KIF13B: variants seen among roughly 807,000 people sequenced by gnomAD.
KIF13B encodes kinesin-like protein KIF13B.
In KIF13B, 127 loss-of-function variants were observed where a neutral mutation model predicts 222.0. The observed-to-expected ratio is 0.57, with a 90% CI of 0.50 to 0.66. The LOEUF is 0.66. KIF13B is among the 30% of genes least tolerant of loss of function. The pLI, the probability that KIF13B is intolerant of heterozygous loss-of-function variation, is 0.00. For missense variants in KIF13B, 2,173 were observed against 2,379.0 expected, an observed-to-expected ratio of 0.91 and a Z score of 1.80; for synonymous variants, 976 against 919.0, an observed-to-expected ratio of 1.06 and a Z score of -1.12.
intron 2 of KIF13B, among the ~76,000 whole-genome samples, chr8:29,244,438 A>ACCTGT (rs10671332): frequency 0.44 from 66,902 of 151,474 alleles, 16,568 homozygotes; most frequent in African/African-American, 0.67. Flanking sequence ...AATGTCTTTC[A>ACCTGT]CCTCTCCACT....
intron 36 of KIF13B, among the ~76,000 whole-genome samples, chr8:29,094,342 T>C (rs1452428130): frequency 6.6e-6 from 1 of 152,248 alleles, no homozygotes; most frequent in Non-Finnish European, 1.5e-5. Flanking sequence ...TGTGCCAGTC[T>C]ACTCTACAAG....
At chr8:29,236,347 T>C (rs896424882) in intron 2 of KIF13B, among the ~76,000 whole-genome samples, 15 of 152,200 alleles carry the variant, frequency 9.9e-5, no homozygotes, top group Admixed American at 5.9e-4. Context: ...GATGAAGATG[T>C]AGCTAGGACA....
intron 36 of KIF13B, among the ~76,000 whole-genome samples, chr8:29,098,914 C>T (rs1458758851): frequency 6.6e-6 from 1 of 152,138 alleles, no homozygotes; most frequent in Admixed American, 6.5e-5. Context: ...CAGCAATGTA[C>T]GGCTAACACA....
At chr8:29,139,176 C>A (rs1810697453) in intron 21 of KIF13B, among the ~76,000 whole-genome samples, 1 of 152,070 alleles carries the variant, frequency 6.6e-6, no homozygotes, top group Non-Finnish European at 1.5e-5. Context: ...TGAGATCTTC[C>A]ATTAAAAAAC....
rs1439267809 is a variant in KIF13B, at chr8:29,071,622, G to A, written c.5216C>T (p.Ser1739Leu). The A allele has an allele frequency of 6.4e-7, 1 of 1,550,996 alleles. No individual in the cohort carries two copies. Among genetic ancestry groups the A allele is most frequent in the East Asian group, 2.4e-5 (1 of 40,968 alleles). ...TWVGVELDLP[S>L]GKNDGSIGGK... is the part of the protein sequence containing the mutation. ...AGCCCGGAGTGCCCGGTACCCACCT[G>A]AGGGCAGGTCGAGCTCCACGCCGAC... The change falls in exon 39 of 40, where the codon TCA becomes TTA. Residue 1739 changes from serine (S) to leucine (L), a missense_variant and splice_region_variant. Physicochemically the swap from Ser to Leu is moderately radical, Grantham distance 145. Coordinates refer to ENST00000524189, the MANE Select transcript of KIF13B (RefSeq NM_015254.4). The surrounding 1 kb of genome is among the most constrained non-coding windows in gnomAD (Gnocchi z 4.9).
chr8:29,101,418 C>T (rs921874737), intron 35 of KIF13B, among the ~76,000 whole-genome samples: 2 of 152,144 alleles, frequency 1.3e-5, no homozygotes, highest in Non-Finnish European at 2.9e-5. Flanking sequence ...AACTAAGCCG[C>T]TGATCTGGAG....
In KIF13B at chr8:29,134,070, C is replaced by T. The variant is rs768939426; in HGVS notation, c.2754G>A (p.Pro918=). The T allele has an allele frequency of 1.1e-4, 170 of 1,613,820 alleles. No individual in the cohort carries two copies. Among genetic ancestry groups the T allele is most frequent in the Non-Finnish European group, 1.3e-4 (156 of 1,179,856 alleles). The change falls in exon 22 of 40, where the codon CCG becomes CCA. Residue 918 remains proline, a synonymous_variant. Coordinates refer to ENST00000524189, the MANE Select transcript of KIF13B (RefSeq NM_015254.4). ...DTSSSSVSKE[P]HCMVVFDHCN... The stretch of plus-strand genomic sequence containing the variant: ...AATGATCAAAGACAACCATGCAGTG[C>T]GGCTCCTTGCTGACGGAAGAGGAGG...
intron 1 of KIF13B, among the ~76,000 whole-genome samples, chr8:29,252,902 A>C (rs1329687551): frequency 6.6e-6 from 1 of 152,192 alleles, no homozygotes; most frequent in African/African-American, 2.4e-5. Context: ...ATTGGTCTTT[A>C]TTTTCTAAAA....
intron 35 of KIF13B, among the ~76,000 whole-genome samples, chr8:29,099,851 A>G (rs1452871396): frequency 6.6e-6 from 1 of 152,170 alleles, no homozygotes; most frequent in African/African-American, 2.4e-5. Flanking sequence ...ATACAGACGT[A>G]TTCCTTCTGC....
At chr8:29,165,870 A>C in intron 11 of KIF13B, 98 bp from the exon 12 acceptor site, 15 of 469,730 alleles carry the variant, frequency 3.2e-5, no homozygotes, top group East Asian at 3.8e-5. Context: ...CTGCCTCCTC[A>C]TGGCTGAATG....
intron 38 of KIF13B, among the ~76,000 whole-genome samples, chr8:29,074,097 C>T (rs1028772206): frequency 3.8e-4 from 58 of 152,234 alleles, no homozygotes; most frequent in African/African-American, 1.4e-3. Context: ...GCTTCTGTTC[C>T]CCGCCCCCAC....
intron 2 of KIF13B, among the ~76,000 whole-genome samples, chr8:29,211,795 G>C (rs544380500): frequency 6.6e-6 from 1 of 152,270 alleles, no homozygotes; most frequent in Non-Finnish European, 1.5e-5. Context: ...GCCCAGAATT[G>C]CTAATTGCTA....
At chr8:29,152,542 C>A (rs1199013190) in intron 14 of KIF13B, among the ~76,000 whole-genome samples, 1 of 152,146 alleles carries the variant, frequency 6.6e-6, no homozygotes, top group Non-Finnish European at 1.5e-5. Flanking sequence ...GGAGGCAAGA[C>A]CTTCCTGCAG....
chr8:29,135,411 A>G (rs1810512993), intron 21 of KIF13B, among the ~76,000 whole-genome samples: 1 of 152,220 alleles, frequency 6.6e-6, no homozygotes, highest in Non-Finnish European at 1.5e-5. Context: ...CCAACTACGA[A>G]GAAAATGAAA....
intron 6 of KIF13B, among the ~76,000 whole-genome samples, chr8:29,182,903 T>C (rs1812771220): frequency 6.6e-6 from 1 of 152,040 alleles, no homozygotes; most frequent in Non-Finnish European, 1.5e-5. Context: ...AAATGGTAAG[T>C]GTGTGAGGTG....
At chr8:29,113,364 A>G in intron 32 of KIF13B, 99 bp downstream of exon 32, 3 of 638,340 alleles carry the variant, frequency 4.7e-6, no homozygotes, top group Non-Finnish European at 8.0e-6. Context: ...CTAAACATAC[A>G]CTTTCACTTC....
At chr8:29,190,802 C>T in intron 4 of KIF13B, 195 bp downstream of exon 4, 2 of 603,948 alleles carry the variant, frequency 3.3e-6, no homozygotes, top group Non-Finnish European at 3.0e-6. Context: ...CCAGTGTCTG[C>T]CGCTTGGGGT....
In KIF13B at chr8:29,148,654, C is replaced by T; in HGVS notation, c.1736G>A (p.Ser579Asn). 1 of 1,613,192 alleles carries T rather than the reference C, an allele frequency of 6.2e-7. No individual in the cohort carries two copies. The highest frequency in any genetic ancestry group is 8.5e-7 in the Non-Finnish European group (1 of 1,179,556). The part of the protein sequence containing the change: ...EQLDVDGDSS[S>N]EVSSEVNFNY... ...AAAGTTAACTTCACTGGACACCTCG[C>T]TGGAGGAGTCTCCGTCTACATCCAG... is the stretch of plus-strand genomic sequence containing the variant. The change falls in exon 16 of 40, where the codon AGC becomes AAC. Residue 579 changes from serine to asparagine, a missense_variant. Transcript: ENST00000524189.
In KIF13B at chr8:29,071,883, C is replaced by T. The variant is rs1807299962; in HGVS notation, c.4955G>A (p.Arg1652Gln). The change falls in exon 39 of 40, where the codon CGG (arginine) becomes CAG (glutamine). Residue 1652 changes from arginine (R) to glutamine (Q), a missense_variant. Coordinates refer to ENST00000524189, the MANE Select transcript of KIF13B (RefSeq NM_015254.4). The surrounding 1 kb of genome is among the most constrained non-coding windows in gnomAD (Gnocchi z 4.9). Reference protein sequence around the residue: ...PGSPFRVRRVRASELRSFSRM... With the variant: ...PGSPFRVRRVQASELRSFSRM... ...CGAGAAGGAGCGCAACTCCGAGGCC[C>T]GCACCCTCCGGACGCGGAACGGGGA... The T allele has an allele frequency of 1.3e-6, 2 of 1,523,006 alleles. No homozygotes were observed. Among genetic ancestry groups the T allele is most frequent in the East Asian group, 2.5e-5 (1 of 40,174 alleles). The allele number at this position is 1,523,006 out of a possible 1,614,324, so 94.3% of individuals were successfully genotyped here.
Sources: gnomAD v4.1 joint callset for allele counts (sites outside exome capture counted in the v4.1 genomes callset) on GRCh38, gnomAD v4.1.1 for gene constraint, Gnocchi (gnomAD v3.1) non-coding constraint, MANE v1.5 for transcripts, NCBI Gene and HGNC (gene_info 2026-07-23, HGNC 2026-07-21) for gene names.